Variants in PHC2 observed in about 807,000 individuals in gnomAD.
The protein encoded by PHC2 is polyhomeotic homolog 2, also known as polyhomeotic-like protein 2.
In PHC2, 29 loss-of-function variants were observed where a neutral mutation model predicts 87.4. The observed-to-expected ratio is 0.33, with a 90% CI of 0.25 to 0.45. The LOEUF (loss-of-function observed/expected upper bound fraction) is 0.45, where lower values mean the gene tolerates loss of function less well. PHC2 is among the 20% of genes least tolerant of loss of function. The pLI, the probability that PHC2 is intolerant of heterozygous loss-of-function variation, is 1.00. For synonymous variants in PHC2, 438 were observed against 461.7 expected (o/e 0.95, Z 0.66); for missense variants, 857 against 1,136.7 (o/e 0.75, Z 3.54).
intron 9 of PHC2, chr1:33,346,914 T>C (rs1646854841): frequency 1.0e-6 from 1 of 985,312 alleles, no homozygotes; most frequent in Non-Finnish European, 1.2e-6. Flanking sequence ...TTCTGTGTTT[T>C]TCCTTAAATA....
At chr1:33,374,435 G>A (rs976299674) in intron 2 of PHC2, among the ~76,000 whole-genome samples, 1 of 152,208 alleles carries the variant, frequency 6.6e-6, no homozygotes, top group Non-Finnish European at 1.5e-5. Context: ...AGGAAACATG[G>A]ATTCACTAAG....
intron 1 of PHC2, among the ~76,000 whole-genome samples, chr1:33,421,714 G>A (rs1016482804): frequency 6.6e-6 from 1 of 152,350 alleles, no homozygotes; most frequent in East Asian, 1.9e-4. Flanking sequence ...TTCCAGCAGT[G>A]AGTCTAGTAT....
At chr1:33,393,662 T>C (rs1310142300) in intron 1 of PHC2, among the ~76,000 whole-genome samples, 1 of 19,618 alleles carries the variant, frequency 5.1e-5, no homozygotes, top group Non-Finnish European at 9.5e-5. Flanking sequence ...GTAGGTTGAT[T>C]TTGCTGTCAT....
intron 1 of PHC2, among the ~76,000 whole-genome samples, chr1:33,416,346 T>A (rs1650202935): frequency 6.6e-6 from 1 of 150,408 alleles, no homozygotes; most frequent in Non-Finnish European, 1.5e-5. Context: ...GGCGGGTGGA[T>A]CACGAGGTCA....
chr1:33,407,464 T>C (rs1052606392), intron 1 of PHC2, among the ~76,000 whole-genome samples: 1 of 152,186 alleles, frequency 6.6e-6, no homozygotes, highest in Non-Finnish European at 1.5e-5. Flanking sequence ...TCCTAGTCTA[T>C]CTATGTCAAA....
chr1:33,424,107 A>C (rs1313074428), intron 1 of PHC2, among the ~76,000 whole-genome samples: 1 of 151,798 alleles, frequency 6.6e-6, no homozygotes, highest in Non-Finnish European at 1.5e-5. Flanking sequence ...CAAAAAAAAA[A>C]AAAACAAAAA....
chr1:33,372,689 G>A (rs1053360314), intron 2 of PHC2, among the ~76,000 whole-genome samples: 3 of 151,974 alleles, frequency 2.0e-5, no homozygotes, highest in Admixed American at 6.6e-5. Flanking sequence ...TCCCCAGCAC[G>A]GCCTGCTCCT....
chr1:33,342,510 C>A (rs904694340), intron 9 of PHC2, among the ~76,000 whole-genome samples: 13 of 152,008 alleles, frequency 8.6e-5, no homozygotes, highest in African/African-American at 3.1e-4. Flanking sequence ...ATGGAGCGAA[C>A]AGCCACCCTC....
intron 3 of PHC2, 45 bp from the exon 4 acceptor site, chr1:33,371,139 C>A: frequency 1.3e-6 from 2 of 1,492,602 alleles, no homozygotes; most frequent in Non-Finnish European, 9.4e-7. Context: ...AGACCTCCCC[C>A]AGTCACTCCT....
intron 9 of PHC2, among the ~76,000 whole-genome samples, chr1:33,344,410 C>A (rs1313955181): frequency 1.3e-5 from 2 of 152,128 alleles, no homozygotes; most frequent in African/African-American, 4.8e-5. Context: ...GTTGTCCTGT[C>A]TATATTATGG....
chr1:33,341,092 C>T (rs549736711), intron 9 of PHC2, among the ~76,000 whole-genome samples: 2 of 152,320 alleles, frequency 1.3e-5, no homozygotes, highest in African/African-American at 4.8e-5. Context: ...AGACTCTAGG[C>T]TTAAATCCCA....
At chr1:33,426,907 C>G (rs974931609) in intron 1 of PHC2, among the ~76,000 whole-genome samples, 2 of 152,140 alleles carry the variant, frequency 1.3e-5, no homozygotes, top group African/African-American at 4.8e-5. Context: ...GTAGAACCCC[C>G]TTGTTAAAAA....
chr1:33,359,915 T>C lies in PHC2; in HGVS notation c.977-4662A>G, dbSNP rs151195711. Among the ~76,000 whole-genome samples, 822 of 152,292 alleles carry C rather than the reference T, an allele frequency of 5.4e-3. 10 individuals are homozygous for C. The highest frequency in any genetic ancestry group is 0.019 in the African/African-American group (776 of 41,552). ...AGAGGAGTCAGAAAGGAGGCAGTTTTTGGCTGGGTCTAAGTTACGCTAGCA... is the reference window on the plus strand; with the variant it reads ...AGAGGAGTCAGAAAGGAGGCAGTTTCTGGCTGGGTCTAAGTTACGCTAGCA... On this transcript the variant is annotated intron_variant, in intron 7 of 14. Transcript: ENST00000683057.
intron 9 of PHC2, among the ~76,000 whole-genome samples, chr1:33,348,888 G>A (rs1646898564): frequency 6.6e-6 from 1 of 152,216 alleles, no homozygotes; most frequent in Admixed American, 6.5e-5. Flanking sequence ...GCAGGGCACT[G>A]ACTGGTATCC....
At chr1:33,393,463 G>GTTTTTTTT (rs36030279) in intron 1 of PHC2, among the ~76,000 whole-genome samples, 8 of 131,044 alleles carry the variant, frequency 6.1e-5, no homozygotes, top group Non-Finnish European at 7.9e-5. Flanking sequence ...TTTTCAAGAG[G>GTTTTTTTT]TTTTTTTTTT....
chr1:33,389,150 G>A (rs1299561890), intron 1 of PHC2, among the ~76,000 whole-genome samples: 2 of 152,014 alleles, frequency 1.3e-5, no homozygotes, highest in Non-Finnish European at 2.9e-5. Context: ...CGTAAGCCAC[G>A]GGTTGTGCAT....
Position 33,349,528 on chromosome 1 carries a change from T to C in PHC2, c.1558+4873A>G. ...AGGGGCACCGAGGGCGGTGCCCGAC[T>C]TCCAGTGCGGCGAGCGCGGCCCCCG... is the stretch of plus-strand genomic sequence containing the variant. On this transcript the variant is annotated intron_variant, in intron 9 of 14. Transcript: ENST00000683057. This position sits in a 1 kb window ranked among gnomAD's most constrained non-coding sequence, Gnocchi z 4.2. 2 of 983,294 alleles carry C rather than the reference T, an allele frequency of 2.0e-6. No homozygotes were observed. Among genetic ancestry groups the C allele is most frequent in the Non-Finnish European group, 2.4e-6 (2 of 828,192 alleles). The allele number at this position is 983,294 out of a possible 1,614,324, so 60.9% of individuals were successfully genotyped here.
chr1:33,341,170 T>C (rs1461882264), intron 9 of PHC2, among the ~76,000 whole-genome samples: 1 of 152,232 alleles, frequency 6.6e-6, no homozygotes, highest in East Asian at 1.9e-4. Flanking sequence ...CTTATATCTG[T>C]CTTACATATA....
In PHC2 at chr1:33,380,020, C is replaced by T. The variant is rs1019105652; in HGVS notation, c.-54-4427G>A. Among the ~76,000 whole-genome samples, 9 of 152,324 alleles carry T rather than the reference C, an allele frequency of 5.9e-5. No individual in the cohort carries two copies. In the South Asian group the frequency reaches 6.2e-4, roughly 11 times the overall value. On this transcript the variant is annotated intron_variant, in intron 1 of 14. Transcript: ENST00000683057. ...TCTTCAATTCACACAGACACTCTCT[C>T]TTACTTCTTGGATAGTGCATGCTCA...
Sources: gnomAD v4.1 joint callset for allele counts (sites outside exome capture counted in the v4.1 genomes callset) on GRCh38, gnomAD v4.1.1 for gene constraint, Gnocchi (gnomAD v3.1) non-coding constraint, MANE v1.5 for transcripts, NCBI Gene and HGNC (gene_info 2026-07-23, HGNC 2026-07-21) for gene names.